Variants in CCNK observed in about 807,000 individuals in gnomAD.
The protein encoded by CCNK is cyclin K, also known as cyclin-K.
CCNK carries 9 observed loss-of-function variants against 65.0 expected under a neutral mutation model. The observed-to-expected ratio is 0.14, with a 90% CI of 0.08 to 0.24. The LOEUF (loss-of-function observed/expected upper bound fraction) is 0.24, where lower values mean the gene tolerates loss of function less well. Among genes scored for constraint, CCNK ranks in the 10% least tolerant of loss-of-function variants. The pLI, the probability that CCNK is intolerant of heterozygous loss-of-function variation, is 1.00. For missense variants in CCNK, 474 were observed against 720.0 expected, an observed-to-expected ratio of 0.66 and a Z score of 3.91; for synonymous variants, 279 against 270.8, an observed-to-expected ratio of 1.03 and a Z score of -0.30.
At chr14:99,482,144 C>G (rs1896353071) in intron 1 of CCNK, among the ~76,000 whole-genome samples, 1 of 152,212 alleles carries the variant, frequency 6.6e-6, no homozygotes, top group Non-Finnish European at 1.5e-5. Flanking sequence ...CTCGGTAATG[C>G]TCCCTAAATT....
chr14:99,501,481 A>C, intron 6 of CCNK, 68 bp downstream of exon 6: 1 of 1,041,766 alleles, frequency 9.6e-7, no homozygotes, highest in Non-Finnish European at 1.5e-6. Flanking sequence ...GGACCATTTC[A>C]TCTAAACCCC....
At position 99,500,798 on chromosome 14, in the gene CCNK, G is replaced by A; in HGVS notation, c.444G>A (p.Leu148=). Residue 148 remains leucine (L), a synonymous_variant, in exon 5 of 11, where the codon CTG becomes CTA. Coordinates refer to ENST00000389879, the MANE Select transcript of CCNK (RefSeq NM_001099402.2). ...TAATGGTTCTGGAGAGAATCTTACT[G>A]CAGACCATCAAGTTTGATTTACAGG... The part of the protein sequence containing the change: ...EEVMVLERIL[L]QTIKFDLQVE... 2 of 1,566,322 alleles carry A rather than the reference G, an allele frequency of 1.3e-6. No individual in the cohort carries two copies. The highest frequency in any genetic ancestry group is 2.4e-5 in the South Asian group (2 of 84,808).
Position 99,510,204 on chromosome 14 carries a change from G to T in CCNK, c.1165G>T (p.Gly389Cys). The T allele has an allele frequency of 6.3e-7, 1 of 1,597,564 alleles. No homozygotes were observed. The highest frequency in any genetic ancestry group is 1.1e-5 in the South Asian group (1 of 88,698). The change falls in exon 11 of 11, where the codon GGC (glycine) becomes TGC (cysteine). Residue 389 changes from glycine to cysteine, a missense_variant. By Grantham distance (159) the Gly-to-Cys change is radical (BLOSUM62 -3). Around this residue, in one of 6 missense-constraint regions of CCNK, gnomAD observed 229 missense variants for 275.5 expected, o/e 0.83. Coordinates refer to ENST00000389879, the MANE Select transcript of CCNK (RefSeq NM_001099402.2). ...TGCCTTAGGTGAGGCTGAGCCGCCG[G>T]GCCCTGTGGATGCCACTGACCTCCC... is the stretch of plus-strand genomic sequence containing the variant. ...AAALGEAEPPGPVDATDLPKV... is the reference protein window; with the variant it reads ...AAALGEAEPPCPVDATDLPKV...
intron 4 of CCNK, 188 bp from the exon 5 acceptor site, chr14:99,500,578 G>T: frequency 1.8e-6 from 1 of 555,146 alleles, no homozygotes; most frequent in Non-Finnish European, 3.2e-6. Context: ...CTTCCTGTTT[G>T]AGATCTTTTC....
At chr14:99,493,467 T>C (rs912474956) in intron 2 of CCNK, 47 bp from the exon 3 acceptor site, 1 of 1,191,208 alleles carries the variant, frequency 8.4e-7, no homozygotes, top group Non-Finnish European at 1.2e-6. Context: ...TAACTAAGAG[T>C]ATAACCTGTA....
intron 6 of CCNK, 96 bp from the exon 7 acceptor site, chr14:99,502,111 A>G: frequency 7.6e-7 from 1 of 1,314,190 alleles, no homozygotes; most frequent in Non-Finnish European, 1.0e-6. Context: ...AGGGGAGAAT[A>G]AGCAAATTAA....
intron 10 of CCNK, chr14:99,509,775 G>A (rs548255880): frequency 4.0e-5 from 11 of 273,530 alleles, no homozygotes; most frequent in Non-Finnish European, 6.2e-5. Flanking sequence ...CAGGAGTTCA[G>A]TGTGGCCCTG....
chr14:99,502,037 AGTCG>A, intron 6 of CCNK, 166 bp from the exon 7 acceptor site: 1 of 652,626 alleles, frequency 1.5e-6, no homozygotes, highest in Non-Finnish European at 2.3e-6. Context: ...AAAGTAACTT[AGTCG>A]GGTACCTTTA....
intron 9 of CCNK, 102 bp downstream of exon 9, chr14:99,503,746 A>G (rs1896901604): frequency 9.7e-7 from 1 of 1,034,480 alleles, no homozygotes; most frequent in Non-Finnish European, 1.4e-6. Flanking sequence ...TTGGCCTTAA[A>G]TCTTAACTTT....
intron 10 of CCNK, 35 bp from the exon 11 acceptor site, chr14:99,510,122 C>T (rs773411170): frequency 1.4e-5 from 22 of 1,564,638 alleles, no homozygotes; most frequent in Non-Finnish European, 1.8e-5. Flanking sequence ...CCATTGCTGG[C>T]GGAGGCCGGG....
intron 6 of CCNK, 121 bp downstream of exon 6, chr14:99,501,534 G>C: frequency 1.4e-6 from 1 of 696,528 alleles, no homozygotes; most frequent in Non-Finnish European, 2.4e-6. Flanking sequence ...GGCTTGAGGA[G>C]CCAGTTAATG....
intron 4 of CCNK, among the ~76,000 whole-genome samples, chr14:99,496,519 G>A (rs975718046): frequency 6.6e-6 from 1 of 151,706 alleles, no homozygotes; most frequent in Non-Finnish European, 1.5e-5. Context: ...GACCATCCTG[G>A]CTAACATGGT....
intron 9 of CCNK, 123 bp from the exon 10 acceptor site, chr14:99,506,953 A>T (rs1315532989): frequency 6.7e-6 from 5 of 749,892 alleles, no homozygotes; most frequent in Non-Finnish European, 7.4e-6. Context: ...AAGTTCCCTT[A>T]AAGCCTTGGT....
Position 99,502,806 on chromosome 14 carries a change from C to A in CCNK, c.833C>A (p.Ser278Tyr), listed in dbSNP as rs1375078716. 6.2e-7 allele frequency: 1 copy of A among 1,613,892 alleles called. No homozygotes were observed. Among genetic ancestry groups the A allele is most frequent in the Non-Finnish European group, 8.5e-7 (1 of 1,179,886 alleles). ...CCCCATCAGCTGCAACAGCCCCCAT[C>A]TCTTCAGCCTACACCACAAGTGCCG... ...HTPHQLQQPP[S>Y]LQPTPQVPQV... The change falls in exon 8 of 11, where the codon TCT (serine) becomes TAT (tyrosine). Residue 278 changes from serine to tyrosine, a missense_variant. Ser to Tyr is a moderately radical substitution (Grantham distance 144). Around this residue, in one of 6 missense-constraint regions of CCNK, gnomAD observed 229 missense variants for 275.5 expected, o/e 0.83. Coordinates refer to ENST00000389879, the MANE Select transcript of CCNK (RefSeq NM_001099402.2).
At chr14:99,481,870 C>T (rs1322814005) in intron 1 of CCNK, among the ~76,000 whole-genome samples, 2 of 152,372 alleles carry the variant, frequency 1.3e-5, no homozygotes, top group Admixed American at 1.3e-4. Flanking sequence ...CCAACCTTGG[C>T]TAGGCCTGAA....
intron 4 of CCNK, among the ~76,000 whole-genome samples, chr14:99,496,783 C>T (rs143466882): frequency 2.3e-4 from 35 of 150,858 alleles, no homozygotes; most frequent in Non-Finnish European, 4.4e-4. Context: ...CATGGTGGCA[C>T]GCACCTGTAG....
Position 99,503,659 on chromosome 14 carries a change from T to C in CCNK, c.1045+15T>C, listed in dbSNP as rs1174944768. On this transcript the variant is annotated intron_variant, in intron 9 of 10. Coordinates refer to ENST00000389879, the MANE Select transcript of CCNK (RefSeq NM_001099402.2). ...CAAAGCAGCAGGTAATTTCCTGTTC[T>C]GATGTTTTTTTAGTTTTATGTGTTT... 1.2e-5 allele frequency: 19 copies of C among 1,552,106 alleles called. No individual in the cohort carries two copies. The highest frequency in any genetic ancestry group is 7.1e-5 in the East Asian group (3 of 42,276).
chr14:99,482,572 C>T (rs1414994665), intron 1 of CCNK, among the ~76,000 whole-genome samples: 5 of 152,108 alleles, frequency 3.3e-5, no homozygotes, highest in Admixed American at 1.3e-4. Flanking sequence ...GAGTGACCAC[C>T]GCTGGTGTCT....
At chr14:99,508,089 A>G (rs996429495) in intron 10 of CCNK, 1 of 152,220 alleles carries the variant, frequency 6.6e-6, no homozygotes, top group Non-Finnish European at 1.5e-5. Context: ...CGTGGCTCAC[A>G]CTGGGGCTGA....
Sources: allele counts gnomAD v4.1 joint callset (sites outside exome capture counted in the v4.1 genomes callset), GRCh38; gene constraint gnomAD v4.1.1; regional missense constraint gnomAD v4.1.1; transcripts MANE v1.5; gene names NCBI Gene and HGNC (gene_info 2026-07-23, HGNC 2026-07-21).